DCAF6: variants seen among roughly 807,000 people sequenced by gnomAD.
DCAF6 encodes the protein DDB1 and CUL4 associated factor 6, also known as DDB1- and CUL4-associated factor 6.
In DCAF6, 54 loss-of-function variants were observed where a neutral mutation model predicts 125.1. That is an observed-to-expected ratio of 0.43 (90% CI 0.35 to 0.54). DCAF6 has a LOEUF of 0.54. DCAF6 is among the 20% of genes least tolerant of loss of function. The probability of loss-of-function intolerance (pLI) is 0.01; values close to 1 mark genes in which losing one functional copy is unlikely to be tolerated. For synonymous variants in DCAF6, 371 were observed against 390.4 expected, an observed-to-expected ratio of 0.95 and a Z score of 0.58; for missense variants, 934 against 1,161.7, an observed-to-expected ratio of 0.80 and a Z score of 2.85.
the DCAF6 span, among the ~76,000 whole-genome samples, chr1:167,903,457 G>C: frequency 1.3e-5 from 2 of 151,854 alleles, no homozygotes; most frequent in East Asian, 1.9e-4. Flanking sequence ...CTAGCTACTC[G>C]GGAGGCTGAG....
chr1:167,928,810 A>G, the DCAF6 span, among the ~76,000 whole-genome samples: 1 of 152,234 alleles, frequency 6.6e-6, no homozygotes, highest in East Asian at 1.9e-4. Flanking sequence ...CCTGGCTAAC[A>G]TCCATTATGA....
At chr1:168,060,017 A>G (rs1275058657) in intron 17 of DCAF6, among the ~76,000 whole-genome samples, 3 of 152,182 alleles carry the variant, frequency 2.0e-5, no homozygotes, top group Non-Finnish European at 2.9e-5. Flanking sequence ...TATATTTTTT[A>G]TAACTTAAAG....
the DCAF6 span, among the ~76,000 whole-genome samples, chr1:167,891,399 G>T: frequency 2.0e-5 from 3 of 151,738 alleles, no homozygotes; most frequent in Non-Finnish European, 4.4e-5. Flanking sequence ...GCTCACATCT[G>T]TAATCCCAGC....
At chr1:167,891,536 G>A in the DCAF6 span, among the ~76,000 whole-genome samples, 1 of 151,470 alleles carries the variant, frequency 6.6e-6, no homozygotes, top group East Asian at 2.0e-4. Flanking sequence ...GGCGCCTGTA[G>A]TCCCAGCTAC....
chr1:167,897,269 T>G, the DCAF6 span, among the ~76,000 whole-genome samples: 2 of 150,142 alleles, frequency 1.3e-5, no homozygotes, highest in African/African-American at 4.9e-5. Context: ...GCAGATTGCT[T>G]GAGCTCAGGA....
chr1:167,985,285 G>C (rs1177386765), intron 4 of DCAF6, among the ~76,000 whole-genome samples: 2 of 152,060 alleles, frequency 1.3e-5, no homozygotes, highest in Admixed American at 1.3e-4. Context: ...TTATCTTACT[G>C]TTCTGGAAGT....
chr1:168,063,870 T>G (rs753226513), intron 18 of DCAF6, 111 bp downstream of exon 18: 54 of 1,024,780 alleles, frequency 5.3e-5, no homozygotes, highest in Non-Finnish European at 7.4e-5. Flanking sequence ...TATTACATTA[T>G]TAAATCTTCA....
the DCAF6 span, among the ~76,000 whole-genome samples, chr1:167,898,794 TTC>T: frequency 1.3e-5 from 2 of 152,132 alleles, no homozygotes; most frequent in Non-Finnish European, 2.9e-5. Flanking sequence ...TGTCTTTTCT[TTC>T]TTTCTGCCGC....
chr1:168,073,961 TGTATTGAATA>T (rs1458952701), intron 21 of DCAF6, among the ~76,000 whole-genome samples: 1 of 147,872 alleles, frequency 6.8e-6, no homozygotes, highest in African/African-American at 2.5e-5. Context: ...TTTATAAATA[TGTATTGAATA>T]CATATTTATA....
At chr1:167,951,902 CTAAG>C (rs1557882948) in intron 2 of DCAF6, 41 bp downstream of exon 2, 3 of 1,377,174 alleles carry the variant, frequency 2.2e-6, no homozygotes, top group Non-Finnish European at 2.1e-6. Context: ...GGATTTGATA[CTAAG>C]TGTTTAAGTG....
the DCAF6 span, among the ~76,000 whole-genome samples, chr1:167,926,064 T>C: frequency 6.6e-6 from 1 of 152,238 alleles, no homozygotes; most frequent in Non-Finnish European, 1.5e-5. Context: ...AGAAAGAAGA[T>C]CACGGCACAA....
intron 20 of DCAF6, among the ~76,000 whole-genome samples, chr1:168,066,939 CCTTT>C (rs1692419086): frequency 6.6e-6 from 1 of 152,048 alleles, no homozygotes; most frequent in African/African-American, 2.4e-5. Context: ...AGAATCTTTT[CCTTT>C]ATCATTATAT....
chr1:168,041,017 T>G (rs189826422), intron 13 of DCAF6, among the ~76,000 whole-genome samples: 1 of 152,006 alleles, frequency 6.6e-6, no homozygotes, highest in African/African-American at 2.4e-5. Flanking sequence ...TAGAACATGC[T>G]AAGAGCTTGG....
Position 168,002,594 on chromosome 1 carries a change from G to C in DCAF6, c.997+19G>C. On this transcript the variant is annotated intron_variant, in intron 8 of 21. Coordinates refer to ENST00000367840, the MANE Select transcript of DCAF6 (RefSeq NM_001198956.2). ...CGAGATGGTAACTATACTTTGGTCA[G>C]CTTTTCTTTGTATATGGTATTTTAA... 1.3e-6 allele frequency: 2 copies of C among 1,588,648 alleles called. No homozygotes were observed. Among genetic ancestry groups the C allele is most frequent in the Non-Finnish European group, 1.7e-6 (2 of 1,159,640 alleles).
chr1:167,938,426 T>C (rs753058560), intron 1 of DCAF6, among the ~76,000 whole-genome samples: 2 of 152,244 alleles, frequency 1.3e-5, no homozygotes, highest in Non-Finnish European at 2.9e-5. Flanking sequence ...TGAAGTACCA[T>C]AGGGTACTCA....
At chr1:167,970,858 C>T (rs1464342710) in intron 3 of DCAF6, among the ~76,000 whole-genome samples, 1 of 151,868 alleles carries the variant, frequency 6.6e-6, no homozygotes, top group Non-Finnish European at 1.5e-5. Context: ...GGAGATATTC[C>T]TTATTAATGC....
the DCAF6 span, among the ~76,000 whole-genome samples, chr1:167,898,389 A>C: frequency 6.6e-6 from 1 of 152,006 alleles, no homozygotes; most frequent in Non-Finnish European, 1.5e-5. Flanking sequence ...TCACGAAGTC[A>C]GGAGTTCAAG....
chr1:168,017,144 G>T (rs1330935470), intron 11 of DCAF6, among the ~76,000 whole-genome samples: 1 of 151,032 alleles, frequency 6.6e-6, no homozygotes, highest in Non-Finnish European at 1.5e-5. Flanking sequence ...TTTCCTATGG[G>T]GAAATATTTT....
At chr1:167,993,760 A>G (rs905496914) in intron 7 of DCAF6, among the ~76,000 whole-genome samples, 14 of 121,022 alleles carry the variant, frequency 1.2e-4, no homozygotes, top group African/African-American at 4.8e-4. Context: ...AGAAAAAACA[A>G]CAACAACAAC....
Sources: gnomAD v4.1 joint callset for allele counts (sites outside exome capture counted in the v4.1 genomes callset) on GRCh38, gnomAD v4.1.1 for gene constraint, MANE v1.5 for transcripts, NCBI Gene and HGNC (gene_info 2026-07-23, HGNC 2026-07-21) for gene names.